Variants in AP4S1 observed in about 807,000 individuals in gnomAD.
AP4S1 encodes the protein AP-4 complex subunit sigma-1.
Under a neutral mutation model 19.8 loss-of-function variants are expected in AP4S1, and 23 were observed. The observed-to-expected ratio is 1.16, with a 90% CI of 0.84 to 1.65. AP4S1 has a LOEUF of 1.65. Ranked by LOEUF, AP4S1 falls within the 40% of genes most tolerant of loss-of-function variation. AP4S1 has a pLI of 0.00. For synonymous variants in AP4S1, 46 were observed against 54.1 expected (o/e 0.85, Z 0.66); for missense variants, 166 against 172.8 (o/e 0.96, Z 0.22).
chr14:31,093,228 G>GA lies in AP4S1; in HGVS notation c.*200dup. 2.1e-6 allele frequency: 1 copy of GA among 470,988 alleles called. No homozygotes were observed. Among genetic ancestry groups the GA allele is most frequent in the Non-Finnish European group, 3.5e-6 (1 of 285,658 alleles). 29.2% of individuals were successfully genotyped at this position (470,988 alleles called of 1,614,324 possible). On this transcript the variant is annotated 3_prime_UTR_variant, in exon 6 of 6. Coordinates refer to ENST00000542754, the MANE Select transcript of AP4S1 (RefSeq NM_001128126.3). ...AACTGTACTTTAAAATATGTACAAA[G>GA]AAAAAAATTTCTTTAAACTGAGAGA...
intron 4 of AP4S1, among the ~76,000 whole-genome samples, chr14:31,077,685 A>G (rs1051765358): frequency 6.8e-6 from 1 of 147,016 alleles, no homozygotes; most frequent in Non-Finnish European, 1.5e-5. Flanking sequence ...TTTGGTAATC[A>G]TTGCCTTAGT....
chr14:31,085,987 G>A lies in AP4S1; in HGVS notation c.306+5403G>A, dbSNP rs1274505190. On this transcript the variant is annotated intron_variant, in intron 5 of 5. Transcript: ENST00000542754. ...CTGTGACTCCGCCAGCATCTGCCAT[G>A]GTGCTTCCTGGAGAATGATGGTGTG... 1.6e-5 allele frequency: 4 copies of A among 246,254 alleles called. No individual in the cohort carries two copies. In the Admixed American group the frequency reaches 2.0e-4, roughly 12 times the overall value. The allele number at this position is 246,254 out of a possible 1,614,324, so 15.3% of individuals were successfully genotyped here. A position where few individuals can be genotyped will look rare whatever the true frequency, so the allele number is the denominator to read the frequency against.
Position 31,069,897 on chromosome 14 carries a change from C to G in AP4S1, c.193C>G (p.Leu65Val). ...FKLIYRQYAA[L>V]FIVVGVNDTE... ...GCTGATATATCGGCAGTATGCAGCT[C>G]TCTTCATTGTGGTTGGAGTTAATGA... The change falls in exon 3 of 6, where the codon CTC (leucine) becomes GTC (valine). Residue 65 changes from leucine (L) to valine (V), a missense_variant. Coordinates refer to ENST00000542754, the MANE Select transcript of AP4S1 (RefSeq NM_001128126.3). The G allele has an allele frequency of 6.2e-7, 1 of 1,613,682 alleles. No homozygotes were observed. The highest frequency in any genetic ancestry group is 8.5e-7 in the Non-Finnish European group (1 of 1,179,622).
At chr14:31,049,760 C>T (rs1173639450) in intron 1 of AP4S1, among the ~76,000 whole-genome samples, 2 of 150,148 alleles carry the variant, frequency 1.3e-5, no homozygotes, top group Non-Finnish European at 3.0e-5. Flanking sequence ...CCACCATACA[C>T]GGCTAATTTT....
chr14:31,044,536 C>T (rs1885283101), intron 1 of AP4S1, among the ~76,000 whole-genome samples: 1 of 151,100 alleles, frequency 6.6e-6, no homozygotes, highest in African/African-American at 2.4e-5. Context: ...TTAATAGAGA[C>T]AGGGTCTTGC....
chr14:31,026,030 C>A (rs1186819099), intron 1 of AP4S1: 1 of 1,538,486 alleles, frequency 6.5e-7, no homozygotes, highest in Middle Eastern at 1.9e-4. Context: ...CGGGGCCTGC[C>A]GCGGGACCCG....
At chr14:31,063,275 CA>C (rs1203874764) in intron 1 of AP4S1, among the ~76,000 whole-genome samples, 3 of 151,986 alleles carry the variant, frequency 2.0e-5, no homozygotes, top group African/African-American at 4.8e-5. Flanking sequence ...GCTAAAAATA[CA>C]AAAATCAGCA....
chr14:31,071,838 C>T (rs1887019726), intron 3 of AP4S1, among the ~76,000 whole-genome samples: 1 of 151,984 alleles, frequency 6.6e-6, no homozygotes, highest in African/African-American at 2.4e-5. Flanking sequence ...GCCTCACAAT[C>T]CCGAGTACCT....
chr14:31,083,936 C>T (rs752774901), intron 5 of AP4S1, among the ~76,000 whole-genome samples: 5 of 152,128 alleles, frequency 3.3e-5, no homozygotes, highest in Non-Finnish European at 5.9e-5. Flanking sequence ...GGGATCTTGT[C>T]GAAGCTCAGC....
At chr14:31,041,627 G>A (rs915364187) in intron 1 of AP4S1, among the ~76,000 whole-genome samples, 10 of 152,176 alleles carry the variant, frequency 6.6e-5, no homozygotes, top group African/African-American at 2.4e-4. Context: ...ACAATCTCTG[G>A]TCCCCACTGC....
rs1367113626 is a variant in AP4S1, at chr14:31,093,254, G to A, written c.*219G>A. 5 of 389,198 alleles carry A rather than the reference G, an allele frequency of 1.3e-5. No individual in the cohort carries two copies. The Admixed American group carries it at 1.4e-4, about 11-fold the overall frequency. 24.1% of individuals were successfully genotyped at this position (389,198 alleles called of 1,614,324 possible). A position where few individuals can be genotyped will look rare whatever the true frequency, so the allele number is the denominator to read the frequency against. ...AAAAAAATTTCTTTAAACTGAGAGA[G>A]AAGTTTTATTTTCTAATTGTAAACA... On this transcript the variant is annotated 3_prime_UTR_variant, in exon 6 of 6. Coordinates refer to ENST00000542754, the MANE Select transcript of AP4S1 (RefSeq NM_001128126.3).
chr14:31,070,598 T>C (rs1886946859), intron 3 of AP4S1, among the ~76,000 whole-genome samples: 1 of 152,130 alleles, frequency 6.6e-6, no homozygotes, highest in Non-Finnish European at 1.5e-5. Context: ...AAGAGAAATA[T>C]CTAGGATGTT....
chr14:31,034,823 C>T (rs942793819), intron 1 of AP4S1, among the ~76,000 whole-genome samples: 2 of 151,018 alleles, frequency 1.3e-5, no homozygotes, highest in South Asian at 2.1e-4. Flanking sequence ...GACAGGGTTC[C>T]ACCATATTGG....
At chr14:31,050,638 C>T (rs1402234399) in intron 1 of AP4S1, among the ~76,000 whole-genome samples, 1 of 152,148 alleles carries the variant, frequency 6.6e-6, no homozygotes, top group Non-Finnish European at 1.5e-5. Flanking sequence ...GAAGATAATA[C>T]AGAGAATTTT....
chr14:31,083,432 C>T (rs1317498662), intron 5 of AP4S1: 2 of 450,242 alleles, frequency 4.4e-6, no homozygotes, highest in East Asian at 7.0e-5. Context: ...CTTGTACTTC[C>T]AGTGGTCTAA....
intron 1 of AP4S1, among the ~76,000 whole-genome samples, chr14:31,038,928 AC>A (rs570347041): frequency 9.0e-4 from 137 of 151,936 alleles, no homozygotes; most frequent in African/African-American, 3.1e-3. Context: ...GAAGTCTTTC[AC>A]GACCACCATC....
chr14:31,093,568 A>T lies in AP4S1; in HGVS notation c.*533A>T, dbSNP rs1439043228. ...GGGGTTCAAGCGATTCTCCTGCCTC[A>T]GCCTCCGAGCTGGGACTACAGGCAT... On this transcript the variant is annotated 3_prime_UTR_variant, in exon 6 of 6. Transcript: ENST00000542754. The T allele has an allele frequency of 6.6e-6, 1 of 152,318 alleles. No homozygotes were observed. The highest frequency in any genetic ancestry group is 1.5e-5 in the Non-Finnish European group (1 of 68,672). 9.4% of individuals were successfully genotyped at this position (152,318 alleles called of 1,614,324 possible). A position where few individuals can be genotyped will look rare whatever the true frequency, so the allele number is the denominator to read the frequency against.
At position 31,069,827 on chromosome 14, in the gene AP4S1, A is replaced by G. The variant is rs1886904162; in HGVS notation, c.139-16A>G. On this transcript the variant is annotated splice_polypyrimidine_tract_variant and intron_variant, in intron 2 of 5. Transcript: ENST00000542754. ...TCTCAGCCACAGGAATTAATATCTC[A>G]TTGTGTTTTGTCTAGTGCTCTTTCA... 6.4e-7 allele frequency: 1 copy of G among 1,571,292 alleles called. No individual in the cohort carries two copies.
intron 1 of AP4S1, among the ~76,000 whole-genome samples, chr14:31,062,693 C>T (rs114078887): frequency 3.4e-4 from 51 of 152,154 alleles, no homozygotes; most frequent in African/African-American, 9.2e-4. Context: ...ATTGGCCAGG[C>T]GCGGTGGCTC....
Sources: gnomAD v4.1 joint callset for allele counts (sites outside exome capture counted in the v4.1 genomes callset) on GRCh38, gnomAD v4.1.1 for gene constraint, MANE v1.5 for transcripts, NCBI Gene and HGNC (gene_info 2026-07-23, HGNC 2026-07-21) for gene names.